Variants in AKAP12 observed in about 807,000 individuals in gnomAD.
AKAP12 encodes the protein A-kinase anchor protein 12.
A neutral mutation model predicts 79.9 loss-of-function variants in AKAP12; 32 were observed. The observed-to-expected ratio is 0.40, with a 90% CI of 0.30 to 0.54. The LOEUF is 0.54. Ranked by LOEUF, AKAP12 falls within the 20% of genes least tolerant of loss-of-function variation. The pLI is 0.48. For missense variants in AKAP12, 2,074 were observed against 2,177.0 expected (o/e 0.95, Z 0.94); for synonymous variants, 808 against 857.0 (o/e 0.94, Z 1.00).
chr6:151,274,596 T>C lies in AKAP12; in HGVS notation c.163-31151T>C, dbSNP rs113381221. Among the ~76,000 whole-genome samples, 549 of 152,342 alleles carry C rather than the reference T, an allele frequency of 3.6e-3. 5 individuals carry two copies. The highest frequency in any genetic ancestry group is 0.012 in the African/African-American group (513 of 41,582). On this transcript the variant is annotated intron_variant, in intron 2 of 4. Coordinates refer to ENST00000402676, the MANE Select transcript of AKAP12 (RefSeq NM_005100.4). ...TAGGGATCTTTAAGCATTGTAAGTA[T>C]GGAAATTAGAAATTATAGAAAGATT...
chr6:151,308,167 G>A (rs1777016423), intron 3 of AKAP12, among the ~76,000 whole-genome samples: 2 of 152,022 alleles, frequency 1.3e-5, no homozygotes, highest in Admixed American at 1.3e-4. Flanking sequence ...GAGCCGCCAC[G>A]CCCAGCTGTG....
rs568700522 is a variant in AKAP12, at chr6:151,282,064, C to T, written c.163-23683C>T. Among the ~76,000 whole-genome samples the T allele has an allele frequency of 1.3e-4, 19 of 151,450 alleles. 1 individual carries two copies. The South Asian group carries it at 3.8e-3, about 30-fold the overall frequency. On this transcript the variant is annotated intron_variant, in intron 2 of 4. Transcript: ENST00000402676. ...GCTGTCCTCTTCCCCCTCCTGTTCCCGCTCTCAGCTGCCCATACATCTATT... is the reference window on the plus strand; with the variant it reads ...GCTGTCCTCTTCCCCCTCCTGTTCCTGCTCTCAGCTGCCCATACATCTATT...
intron 2 of AKAP12, among the ~76,000 whole-genome samples, chr6:151,285,502 A>G (rs1776487308): frequency 6.6e-6 from 1 of 152,036 alleles, no homozygotes; most frequent in African/African-American, 2.4e-5. Context: ...GGATTTTTTT[A>G]AAGAACAATA....
Position 151,323,757 on chromosome 6 carries a change from T to C in AKAP12, c.319+17854T>C, listed in dbSNP as rs78276284. The C allele has an allele frequency of 4.2e-5, 41 of 985,374 alleles. No individual in the cohort carries two copies. In the East Asian group the frequency reaches 1.8e-3, roughly 44 times the overall value. The allele number at this position is 985,374 out of a possible 1,614,324, so 61.0% of individuals were successfully genotyped here. A position where few individuals can be genotyped will look rare whatever the true frequency, so the allele number is the denominator to read the frequency against. On this transcript the variant is annotated intron_variant, in intron 3 of 4. Coordinates refer to ENST00000402676, the MANE Select transcript of AKAP12 (RefSeq NM_005100.4). Reference sequence around the variant, plus strand: ...GAATAGCTGTTGCTTGTCCCAGTGTTAGAATTTGGACTGATAGAAAGGAGA... The same window carrying C: ...GAATAGCTGTTGCTTGTCCCAGTGTCAGAATTTGGACTGATAGAAAGGAGA...
At chr6:151,283,917 C>T (rs895138640) in intron 2 of AKAP12, among the ~76,000 whole-genome samples, 2 of 152,212 alleles carry the variant, frequency 1.3e-5, no homozygotes, top group African/African-American at 4.8e-5. Flanking sequence ...CTTCATTTCT[C>T]CCCTGAATGG....
At chr6:151,340,441 T>C (rs147219937) in intron 3 of AKAP12, among the ~76,000 whole-genome samples, 1 of 152,172 alleles carries the variant, frequency 6.6e-6, no homozygotes, top group African/African-American at 2.4e-5. Flanking sequence ...GATTGCCAGA[T>C]CATATGGTAA....
At position 151,240,558 on chromosome 6, in the gene AKAP12, G is replaced by A. The variant is rs1435223135; in HGVS notation, c.-5G>A. Reference sequence around the variant, plus strand: ...GGCTAGGCGCGGGAGAAGTGCGGAGGAGCCATGGGCGCCGGGAGCTCCACC... The same window carrying A: ...GGCTAGGCGCGGGAGAAGTGCGGAGAAGCCATGGGCGCCGGGAGCTCCACC... On this transcript the variant is annotated 5_prime_UTR_variant, in exon 2 of 5. Coordinates refer to ENST00000402676, the MANE Select transcript of AKAP12 (RefSeq NM_005100.4). 4 of 1,441,962 alleles carry A rather than the reference G, an allele frequency of 2.8e-6. No homozygotes were observed. Among genetic ancestry groups the A allele is most frequent in the African/African-American group, 1.5e-5 (1 of 67,218 alleles). 89.3% of individuals were successfully genotyped at this position (1,441,962 alleles called of 1,614,324 possible).
intron 3 of AKAP12, among the ~76,000 whole-genome samples, chr6:151,338,071 T>G (rs1777861525): frequency 6.6e-6 from 1 of 152,204 alleles, no homozygotes; most frequent in South Asian, 2.1e-4. Flanking sequence ...GTAAGTTATA[T>G]ACATCATGGT....
chr6:151,344,021 T>G (rs1420754794), intron 3 of AKAP12: 2 of 407,044 alleles, frequency 4.9e-6, no homozygotes, highest in Non-Finnish European at 9.4e-6. Flanking sequence ...TTTGAATATT[T>G]GCTTCAAAGT....
In AKAP12 at chr6:151,240,419, C is replaced by A; in HGVS notation, c.-144C>A. The A allele has an allele frequency of 1.2e-6, 1 of 860,148 alleles. No homozygotes were observed. Among genetic ancestry groups the A allele is most frequent in the Non-Finnish European group, 1.6e-6 (1 of 636,422 alleles). The allele number at this position is 860,148 out of a possible 1,614,324, so 53.3% of individuals were successfully genotyped here. A position where few individuals can be genotyped will look rare whatever the true frequency, so the allele number is the denominator to read the frequency against. On this transcript the variant is annotated 5_prime_UTR_variant, in exon 2 of 5. The change creates a new upstream start codon in the 5' untranslated region. Coordinates refer to ENST00000402676, the MANE Select transcript of AKAP12 (RefSeq NM_005100.4). ...CGAGCGCGTCTCCTTCATTCGCAGG[C>A]TGGGCGCGTTCGCAGTCGGCTGGCG...
intron 2 of AKAP12, among the ~76,000 whole-genome samples, chr6:151,252,262 G>T (rs1458689817): frequency 6.6e-6 from 1 of 151,274 alleles, no homozygotes; most frequent in Non-Finnish European, 1.5e-5. Flanking sequence ...GCAGCAGCGC[G>T]ATCTCAGCTT....
rs529537911 is a variant in AKAP12, at chr6:151,305,772, C to T, written c.188C>T (p.Ser63Phe). The T allele has an allele frequency of 1.2e-6, 2 of 1,613,452 alleles. No homozygotes were observed. Among genetic ancestry groups the T allele is most frequent in the South Asian group, 2.2e-5 (2 of 90,888 alleles). The change falls in exon 3 of 5, where the codon TCC becomes TTC. Residue 63 changes from serine to phenylalanine, a missense_variant. By Grantham distance (155) the Ser-to-Phe change is radical. Transcript: ENST00000402676. ...TKLLQKNGQL[S>F]TINGVAEQDE... ...CTCCTACAGAAGAATGGTCAGCTGT[C>T]CACCATCAATGGCGTAGCTGAGCAA...
At position 151,302,158 on chromosome 6, in the gene AKAP12, A is replaced by T. The variant is rs376424959; in HGVS notation, c.163-3589A>T. On this transcript the variant is annotated intron_variant, in intron 2 of 4. Transcript: ENST00000402676. ...CCCTAGTAGCTGGGATTATAGGCGC[A>T]CACCACCACACTTGGCTAATTTTTT... 1.6e-4 allele frequency among the ~76,000 whole-genome samples: 24 copies of T among 151,754 alleles called. No homozygotes were observed. In the South Asian group the frequency reaches 3.5e-3, roughly 22 times the overall value.
At chr6:151,324,850 A>G in intron 3 of AKAP12, 2 of 985,410 alleles carry the variant, frequency 2.0e-6, no homozygotes, top group Non-Finnish European at 2.4e-6. Flanking sequence ...TCAATGAGAA[A>G]GAATTGAAGT....
At chr6:151,294,563 A>G (rs768711741) in intron 2 of AKAP12, among the ~76,000 whole-genome samples, 1 of 152,234 alleles carries the variant, frequency 6.6e-6, no homozygotes, top group Non-Finnish European at 1.5e-5. Context: ...CAAGGTAGGC[A>G]TTTCACAGAA....
chr6:151,346,660 T>C (rs1244394903), intron 3 of AKAP12, among the ~76,000 whole-genome samples: 1 of 152,242 alleles, frequency 6.6e-6, no homozygotes, highest in Admixed American at 6.5e-5. Context: ...AGGTGGTGCC[T>C]GTCAGATTTC....
chr6:151,256,085 G>A (rs1294396731), intron 2 of AKAP12, among the ~76,000 whole-genome samples: 1 of 152,176 alleles, frequency 6.6e-6, no homozygotes, highest in Non-Finnish European at 1.5e-5. Context: ...GTGGCATAGA[G>A]AAATTTGTGC....
At chr6:151,262,736 G>A (rs1797462831) in intron 2 of AKAP12, among the ~76,000 whole-genome samples, 1 of 152,094 alleles carries the variant, frequency 6.6e-6, no homozygotes. Context: ...CCCCCAAAAA[G>A]AAGAAAATTC....
intron 3 of AKAP12, among the ~76,000 whole-genome samples, chr6:151,318,472 T>TAG (rs1463075544): frequency 2.6e-5 from 4 of 152,224 alleles, no homozygotes. Flanking sequence ...AGTGTTATCT[T>TAG]GATAGATGTC....
Sources: allele counts gnomAD v4.1 joint callset (sites outside exome capture counted in the v4.1 genomes callset), GRCh38; gene constraint gnomAD v4.1.1; transcripts MANE v1.5; gene names NCBI Gene and HGNC (gene_info 2026-07-23, HGNC 2026-07-21).